The following NEK10 variants were observed in gnomAD, a reference collection of about 807,000 sequenced individuals.
NEK10 encodes NIMA related kinase 10, also known as serine/threonine-protein kinase Nek10.
Under a neutral mutation model 159.8 loss-of-function variants are expected in NEK10, and 122 were observed. That is an observed-to-expected ratio of 0.76 (90% CI 0.66 to 0.89). The LOEUF is 0.89. Ranked by LOEUF, NEK10 falls within the 40% of genes least tolerant of loss-of-function variation. NEK10 has a pLI of 0.00. For synonymous variants in NEK10, 466 were observed against 457.1 expected (o/e 1.02, Z -0.25); for missense variants, 1,342 against 1,323.1 (o/e 1.01, Z -0.22).
At chr3:27,206,699 C>T (rs4973756) in intron 23 of NEK10, 519,358 of 901,802 alleles carry the variant, frequency 0.58, 153,210 homozygotes, top group African/African-American at 0.92. Context: ...CTGTTACAAA[C>T]CACTGACGAA....
chr3:27,288,383 C>A (rs552709086), intron 19 of NEK10, among the ~76,000 whole-genome samples: 13 of 152,268 alleles, frequency 8.5e-5, no homozygotes, highest in African/African-American at 3.1e-4. Flanking sequence ...CAACTTATAT[C>A]CTGCTAAGTC....
At chr3:27,139,434 G>C (rs1943557921) in intron 31 of NEK10, among the ~76,000 whole-genome samples, 2 of 152,158 alleles carry the variant, frequency 1.3e-5, no homozygotes, top group Admixed American at 1.3e-4. Context: ...ATTTCAATAT[G>C]ATCCAGGGGA....
chr3:27,271,609 C>G (rs573385888), intron 22 of NEK10, among the ~76,000 whole-genome samples: 6 of 152,162 alleles, frequency 3.9e-5, no homozygotes, highest in Admixed American at 3.9e-4. Flanking sequence ...GACACTTGGA[C>G]AGATATCCAT....
Position 27,256,368 on chromosome 3 carries a change from T to G in NEK10, c.2018A>C (p.Asp673Ala). ...LGDKDKVTVTDFGLAKQKQEN... is the reference protein window; with the variant it reads ...LGDKDKVTVTAFGLAKQKQEN... ...TTGTTTTTGCTTTGCCAGGCCAAAGTCAGCTACAATTCACAAAACAACGCA... is the reference window on the plus strand; with the variant it reads ...TTGTTTTTGCTTTGCCAGGCCAAAGGCAGCTACAATTCACAAAACAACGCA... The change falls in exon 23 of 36, where the codon GAC becomes GCC. Residue 673 changes from aspartate (D) to alanine (A), a missense_variant. Physicochemically the swap from Asp to Ala is moderately radical, Grantham distance 126. Transcript: ENST00000691995. 2 of 1,570,300 alleles carry G rather than the reference T, an allele frequency of 1.3e-6. No individual in the cohort carries two copies. The highest frequency in any genetic ancestry group is 1.7e-6 in the Non-Finnish European group (2 of 1,161,068).
chr3:27,179,900 G>A (rs1947898418), intron 26 of NEK10, among the ~76,000 whole-genome samples: 1 of 151,746 alleles, frequency 6.6e-6, no homozygotes, highest in Non-Finnish European at 1.5e-5. Context: ...GGCCAACAAG[G>A]TGAAACCTGG....
intron 6 of NEK10, among the ~76,000 whole-genome samples, chr3:27,319,569 T>G (rs2045467284): frequency 6.6e-6 from 1 of 152,182 alleles, no homozygotes; most frequent in Admixed American, 6.5e-5. Context: ...GGAACTGGAT[T>G]CAGGAGACAG....
intron 22 of NEK10, among the ~76,000 whole-genome samples, chr3:27,278,231 T>C (rs1575563153): frequency 6.6e-6 from 1 of 152,252 alleles, no homozygotes; most frequent in South Asian, 2.1e-4. Context: ...AGGTTACTTA[T>C]TACATGTTAC....
intron 22 of NEK10, among the ~76,000 whole-genome samples, chr3:27,268,567 T>C (rs1032167646): frequency 2.0e-5 from 3 of 152,230 alleles, no homozygotes; most frequent in Admixed American, 6.5e-5. Flanking sequence ...AGTCCTTCTA[T>C]TTGCAGCATG....
chr3:27,134,982 A>G (rs1300712467), intron 31 of NEK10, among the ~76,000 whole-genome samples: 1 of 152,184 alleles, frequency 6.6e-6, no homozygotes, highest in East Asian at 1.9e-4. Context: ...AGCAAGTACT[A>G]TTTTATAGGT....
intron 22 of NEK10, among the ~76,000 whole-genome samples, chr3:27,270,538 T>TG: frequency 6.6e-6 from 1 of 152,142 alleles, no homozygotes; most frequent in East Asian, 1.9e-4. Context: ...TCCAAATTTC[T>TG]GGGGAATGTG....
chr3:27,189,554 T>C (rs1948935119), intron 26 of NEK10, among the ~76,000 whole-genome samples: 1 of 152,172 alleles, frequency 6.6e-6, no homozygotes, highest in African/African-American at 2.4e-5. Context: ...TGAAATGAGA[T>C]AATCATAATA....
chr3:27,351,990 C>T (rs1186126332), intron 3 of NEK10, among the ~76,000 whole-genome samples: 2 of 151,838 alleles, frequency 1.3e-5, no homozygotes, highest in African/African-American at 4.8e-5. Context: ...ATAAAAATAG[C>T]CAAAAATCAC....
intron 5 of NEK10, among the ~76,000 whole-genome samples, chr3:27,336,684 T>C (rs762072484): frequency 2.3e-4 from 35 of 152,120 alleles, no homozygotes; most frequent in Non-Finnish European, 4.3e-4. Context: ...GAAACAAGAA[T>C]GGTTTGGCAT....
chr3:27,314,175 C>T, intron 7 of NEK10, 122 bp downstream of exon 7: 1 of 705,838 alleles, frequency 1.4e-6, no homozygotes, highest in Non-Finnish European at 2.6e-6. Flanking sequence ...CGCTGTCTGT[C>T]CCTCTCTGGG....
rs151104415 is a variant in NEK10 at position 27,121,994 on chromosome 3, G to A, written c.3082-2126C>T. 2.9e-3 allele frequency among the ~76,000 whole-genome samples: 445 copies of A among 152,118 alleles called. 4 individuals are homozygous for A. Among genetic ancestry groups the A allele is most frequent in the African/African-American group, 0.01 (424 of 41,492 alleles). On this transcript the variant is annotated intron_variant, in intron 32 of 35. Coordinates refer to ENST00000691995, the MANE Select transcript of NEK10 (RefSeq NM_001394966.1). ...TTAAAAATTAATTTTTTCCATCAAT[G>A]GACTTTGGATATTGTAAATACAAAT... is the stretch of plus-strand genomic sequence containing the variant.
chr3:27,311,933 C>A, intron 8 of NEK10, 166 bp downstream of exon 8: 1 of 593,264 alleles, frequency 1.7e-6, no homozygotes, highest in Admixed American at 2.5e-5. Context: ...TTTCTTCTGG[C>A]TGTATGTTGC....
In NEK10 at chr3:27,141,365, AGCTGG is replaced by A. The variant is rs1202278030; in HGVS notation, c.2970+112_2970+116del. On this transcript the variant is annotated intron_variant, in intron 31 of 35. Coordinates refer to ENST00000691995, the MANE Select transcript of NEK10 (RefSeq NM_001394966.1). ...AACTAAAGTGTCCCCACATGTATGT[AGCTGG>A]GGAGGATAAGAACAAGAATTCAATC... 5.5e-5 allele frequency: 38 copies of A among 685,006 alleles called. No individual in the cohort carries two copies. In the East Asian group the frequency reaches 9.7e-4, roughly 17 times the overall value. 42.4% of individuals were successfully genotyped at this position (685,006 alleles called of 1,614,324 possible).
At chr3:27,115,852 C>T (rs757621236) in intron 35 of NEK10, 88 bp downstream of exon 35, 13 of 939,746 alleles carry the variant, frequency 1.4e-5, no homozygotes, top group Non-Finnish European at 2.1e-5. Flanking sequence ...AAAAAAAATC[C>T]CTCTGGAATA....
chr3:27,361,503 T>G (rs941566673), intron 1 of NEK10, among the ~76,000 whole-genome samples: 9 of 152,176 alleles, frequency 5.9e-5, no homozygotes, highest in Admixed American at 5.9e-4. Flanking sequence ...AGAATATGAG[T>G]ATATTCTATT....
Sources: allele counts gnomAD v4.1 joint callset (sites outside exome capture counted in the v4.1 genomes callset), GRCh38; gene constraint gnomAD v4.1.1; transcripts MANE v1.5; gene names NCBI Gene and HGNC (gene_info 2026-07-23, HGNC 2026-07-21).